The following SPTA1 variants were observed in gnomAD, a reference collection of about 807,000 sequenced individuals.
SPTA1 encodes the protein spectrin alpha chain, erythrocytic 1.
A neutral mutation model predicts 324.7 loss-of-function variants in SPTA1; 177 were observed. The ratio of observed to expected loss-of-function variants is 0.55; its 90% CI spans 0.48 to 0.62. The LOEUF (loss-of-function observed/expected upper bound fraction) is 0.62, where lower values mean the gene tolerates loss of function less well. Ranked by LOEUF, SPTA1 falls within the 20% of genes least tolerant of loss-of-function variation. The pLI is 0.00. For synonymous variants in SPTA1, 1,195 were observed against 1,041.3 expected, an observed-to-expected ratio of 1.15 and a Z score of -2.84; for missense variants, 3,162 against 2,883.6, an observed-to-expected ratio of 1.10 and a Z score of -2.21.
intron 47 of SPTA1, among the ~76,000 whole-genome samples, chr1:158,615,856 G>A (rs963027407): frequency 6.6e-6 from 1 of 152,116 alleles, no homozygotes; most frequent in Admixed American, 6.5e-5. Context: ...GAGCTCTCAG[G>A]CTCACTTAAG....
chr1:158,648,433 C>T lies in SPTA1; in HGVS notation c.3714+76G>A, dbSNP rs857677. ...AAGAATAAAAGACTGAAAAAGAGAA[C>T]CAAAGAAGAGGGCATTGGTATACGG... On this transcript the variant is annotated intron_variant, in intron 26 of 51. Transcript: ENST00000643759. 0.54 allele frequency: 857,929 copies of T among 1,587,930 alleles called. 233,199 individuals are homozygous for T. Among genetic ancestry groups the T allele is most frequent in the Middle Eastern group, 0.6 (3,454 of 5,768 alleles).
rs769049596 is a variant in SPTA1 at position 158,638,274 on chromosome 1, T to C, written c.4981-33A>G. Reference sequence around the variant, plus strand: ...GTCTCGGGATACTCAGTGAATAGTATAGTATAGGCATTACTCAGATCCCAC... The same window carrying C: ...GTCTCGGGATACTCAGTGAATAGTACAGTATAGGCATTACTCAGATCCCAC... On this transcript the variant is annotated intron_variant, in intron 35 of 51. Transcript: ENST00000643759. 24 of 1,594,828 alleles carry C rather than the reference T, an allele frequency of 1.5e-5. No homozygotes were observed. In the South Asian group the frequency reaches 2.1e-4, roughly 14 times the overall value.
intron 25 of SPTA1, 29 bp downstream of exon 25, chr1:158,649,827 G>A: frequency 6.4e-7 from 1 of 1,567,050 alleles, no homozygotes; most frequent in Non-Finnish European, 8.8e-7. Context: ...TTTTAAAGCA[G>A]CACTGCTTTT....
chr1:158,684,446 T>G, intron 2 of SPTA1, among the ~76,000 whole-genome samples: 1 of 152,172 alleles, frequency 6.6e-6, no homozygotes, highest in East Asian at 1.9e-4. Context: ...AGAAATTTCT[T>G]GAATTTGCAG....
intron 39 of SPTA1, 77 bp downstream of exon 39, chr1:158,634,466 C>T (rs1650910479): frequency 6.3e-7 from 1 of 1,575,202 alleles, no homozygotes. Context: ...CCTAATATTA[C>T]AGGTAAAAAC....
intron 1 of SPTA1, 92 bp downstream of exon 1, chr1:158,686,402 G>T: frequency 1.1e-6 from 1 of 933,746 alleles, no homozygotes; most frequent in Non-Finnish European, 1.7e-6. Flanking sequence ...AATTATTAAT[G>T]TTCCTGGGAA....
chr1:158,644,478 A>C, intron 29 of SPTA1, 82 bp from the exon 30 acceptor site: 1 of 1,555,294 alleles, frequency 6.4e-7, no homozygotes, highest in Non-Finnish European at 8.9e-7. Flanking sequence ...CAGGATCATG[A>C]CACAAAGGGT....
chr1:158,661,805 T>G (rs1304707355), intron 17 of SPTA1, among the ~76,000 whole-genome samples: 1 of 152,238 alleles, frequency 6.6e-6, no homozygotes, highest in Non-Finnish European at 1.5e-5. Flanking sequence ...AAATCTTCTA[T>G]GCCCAAGTTT....
At chr1:158,642,630 A>G in intron 32 of SPTA1, 88 bp from the exon 33 acceptor site, 1 of 1,586,690 alleles carries the variant, frequency 6.3e-7, no homozygotes, top group South Asian at 1.1e-5. Flanking sequence ...AAGGGCTAAT[A>G]TTTCTATCAT....
intron 21 of SPTA1, among the ~76,000 whole-genome samples, chr1:158,654,317 G>A (rs1308289784): frequency 6.6e-6 from 1 of 152,052 alleles, no homozygotes. Flanking sequence ...AGACAGCTTA[G>A]CCCTTTAAAT....
At position 158,680,749 on chromosome 1, in the gene SPTA1, T is replaced by G; in HGVS notation, c.532-20A>C. 6.2e-7 allele frequency: 1 copy of G among 1,613,206 alleles called. No individual in the cohort carries two copies. The highest frequency in any genetic ancestry group is 2.2e-5 in the East Asian group (1 of 44,864). On this transcript the variant is annotated intron_variant, in intron 4 of 51. Coordinates refer to ENST00000643759, the MANE Select transcript of SPTA1 (RefSeq NM_003126.4). Reference sequence around the variant, plus strand: ...AGCCTCCTGTAGACACAGAAGTTGATTGAGTTGCCAGCAAACATTTAGGAG... The same window carrying G: ...AGCCTCCTGTAGACACAGAAGTTGAGTGAGTTGCCAGCAAACATTTAGGAG...
At chr1:158,636,071 C>T (rs1651049143) in intron 37 of SPTA1, 37 bp from the exon 38 acceptor site, 1 of 1,614,070 alleles carries the variant, frequency 6.2e-7, no homozygotes, top group Non-Finnish European at 8.5e-7. Context: ...CATTACCCCA[C>T]AATCTCTCCC....
intron 20 of SPTA1, among the ~76,000 whole-genome samples, chr1:158,655,115 A>G (rs1286536896): frequency 1.3e-5 from 2 of 152,196 alleles, no homozygotes; most frequent in Admixed American, 6.5e-5. Context: ...ATTGTTTGAG[A>G]AAGTGAAAAG....
chr1:158,654,568 G>A (rs1652689701), intron 21 of SPTA1, 43 bp downstream of exon 21: 1 of 1,613,488 alleles, frequency 6.2e-7, no homozygotes, highest in Admixed American at 1.7e-5. Flanking sequence ...AGATGGTTCT[G>A]AAAGAGCCAC....
At chr1:158,632,443 T>C (rs1650745598) in intron 39 of SPTA1, among the ~76,000 whole-genome samples, 1 of 152,034 alleles carries the variant, frequency 6.6e-6, no homozygotes, top group Non-Finnish European at 1.5e-5. Context: ...TCATGTTCAG[T>C]GTTTTTGTCA....
chr1:158,660,342 T>C (rs1461560076), intron 18 of SPTA1, among the ~76,000 whole-genome samples: 2 of 152,198 alleles, frequency 1.3e-5, no homozygotes, highest in Non-Finnish European at 2.9e-5. Flanking sequence ...ATATGCACTA[T>C]GCAAAAACTA....
chr1:158,661,567 C>T, intron 17 of SPTA1, 158 bp from the exon 18 acceptor site: 1 of 937,768 alleles, frequency 1.1e-6, no homozygotes, highest in Non-Finnish European at 1.6e-6. Flanking sequence ...TGATTTCACT[C>T]TACTTATCTT....
intron 39 of SPTA1, among the ~76,000 whole-genome samples, chr1:158,634,264 G>A (rs1031357604): frequency 1.3e-5 from 2 of 152,154 alleles, no homozygotes; most frequent in African/African-American, 4.8e-5. Flanking sequence ...TGTAAGGAAA[G>A]GTCTTTAACC....
chr1:158,668,110 G>A, intron 14 of SPTA1, 48 bp from the exon 15 acceptor site: 1 of 1,589,828 alleles, frequency 6.3e-7, no homozygotes, highest in South Asian at 1.1e-5. Flanking sequence ...TGAAGAATGA[G>A]GGACAGAAAT....
Sources: allele counts gnomAD v4.1 joint callset (sites outside exome capture counted in the v4.1 genomes callset), GRCh38; gene constraint gnomAD v4.1.1; transcripts MANE v1.5; gene names NCBI Gene and HGNC (gene_info 2026-07-23, HGNC 2026-07-21).